Variants in LEKR1 observed in about 807,000 individuals in gnomAD.
The protein encoded by LEKR1 is leucine, glutamate and lysine rich 1.
Under a neutral mutation model 72.4 loss-of-function variants are expected in LEKR1, and 59 were observed. The ratio of observed to expected loss-of-function variants is 0.82; its 90% CI spans 0.66 to 1.01. The LOEUF is 1.01. Among genes scored for constraint, LEKR1 ranks in the 50% least tolerant of loss-of-function variants. The probability of loss-of-function intolerance (pLI) is 0.00; values close to 1 mark genes in which losing one functional copy is unlikely to be tolerated. For synonymous variants in LEKR1, 257 were observed against 263.2 expected (o/e 0.98, Z 0.23); for missense variants, 728 against 759.2 (o/e 0.96, Z 0.48).
intron 6 of LEKR1, among the ~76,000 whole-genome samples, chr3:156,950,798 A>T (rs1166007607): frequency 6.6e-6 from 1 of 151,658 alleles, no homozygotes; most frequent in East Asian, 1.9e-4. Flanking sequence ...ATATAGAAAC[A>T]TGTCATCTGC....
At chr3:156,860,620 T>C (rs1384668593) in intron 3 of LEKR1, among the ~76,000 whole-genome samples, 1 of 152,178 alleles carries the variant, frequency 6.6e-6, no homozygotes, top group Non-Finnish European at 1.5e-5. Flanking sequence ...TAAGTGTACC[T>C]GGCTGGAGTA....
intron 2 of LEKR1, among the ~76,000 whole-genome samples, chr3:156,839,926 G>T (rs571824175): frequency 2.6e-5 from 4 of 152,104 alleles, no homozygotes; most frequent in Admixed American, 2.6e-4. Flanking sequence ...TACTCCAAGC[G>T]TGCCTGTCTT....
intron 3 of LEKR1, among the ~76,000 whole-genome samples, chr3:156,873,074 C>G (rs1042154526): frequency 2.0e-5 from 3 of 151,962 alleles, no homozygotes; most frequent in Non-Finnish European, 2.9e-5. Context: ...CTCACCTTTT[C>G]AATCTAAAAT....
intron 3 of LEKR1, among the ~76,000 whole-genome samples, chr3:156,861,631 C>T (rs1410377566): frequency 1.3e-5 from 2 of 151,962 alleles, no homozygotes; most frequent in African/African-American, 4.8e-5. Flanking sequence ...ACGTTGAGTA[C>T]CATTGTGGAA....
intron 3 of LEKR1, among the ~76,000 whole-genome samples, chr3:156,912,859 G>T (rs954578199): frequency 6.6e-6 from 1 of 152,142 alleles, no homozygotes; most frequent in African/African-American, 2.4e-5. Context: ...TGCTGTGTAG[G>T]GTTAAGGCTA....
At chr3:157,026,896 A>G (rs990542531) in intron 11 of LEKR1, among the ~76,000 whole-genome samples, 8 of 152,228 alleles carry the variant, frequency 5.3e-5, no homozygotes, top group Non-Finnish European at 1.0e-4. Flanking sequence ...CTTTCATGCC[A>G]TCAGGAAAAG....
At chr3:157,029,281 C>T (rs1477692366) in intron 12 of LEKR1, among the ~76,000 whole-genome samples, 1 of 151,696 alleles carries the variant, frequency 6.6e-6, no homozygotes, top group Non-Finnish European at 1.5e-5. Flanking sequence ...TGAAGTGAAC[C>T]TATTACAAAG....
At chr3:156,878,851 C>G (rs1289160587) in intron 3 of LEKR1, among the ~76,000 whole-genome samples, 1 of 152,160 alleles carries the variant, frequency 6.6e-6, no homozygotes, top group Non-Finnish European at 1.5e-5. Context: ...GTGAATAAGT[C>G]TCACGAGATC....
intron 12 of LEKR1, among the ~76,000 whole-genome samples, chr3:157,032,640 A>G (rs1255414833): frequency 1.3e-5 from 2 of 152,246 alleles, no homozygotes; most frequent in African/African-American, 4.8e-5. Flanking sequence ...ATAACTTATC[A>G]TATAGAATAC....
intron 5 of LEKR1, among the ~76,000 whole-genome samples, chr3:156,933,056 A>ACAAC (rs1201012623): frequency 3.3e-5 from 5 of 151,946 alleles, no homozygotes; most frequent in Non-Finnish European, 7.4e-5. Context: ...AAACAAACAA[A>ACAAC]AATGGAGCAG....
intron 2 of LEKR1, among the ~76,000 whole-genome samples, chr3:156,847,319 C>G (rs1232754199): frequency 1.3e-5 from 2 of 152,130 alleles, no homozygotes; most frequent in Non-Finnish European, 2.9e-5. Context: ...AGTTTATTTT[C>G]AAATGGTTCT....
At chr3:156,835,778 T>C (rs1713034280) in intron 2 of LEKR1, among the ~76,000 whole-genome samples, 1 of 149,850 alleles carries the variant, frequency 6.7e-6, no homozygotes, top group Non-Finnish European at 1.5e-5. Context: ...GCCTCTCTCA[T>C]AAAGCGATTC....
chr3:156,920,464 G>T, intron 3 of LEKR1, 111 bp from the exon 4 acceptor site: 2 of 671,084 alleles, frequency 3.0e-6, no homozygotes, highest in Non-Finnish European at 4.8e-6. Context: ...ATATATAAGA[G>T]ACATAGTTTC....
chr3:157,006,308 A>G (rs1179656450), intron 9 of LEKR1, among the ~76,000 whole-genome samples: 3 of 152,158 alleles, frequency 2.0e-5, no homozygotes. Flanking sequence ...CCCGGCCACT[A>G]CTATACATTT....
At chr3:156,926,382 A>G (rs1018894087) in intron 4 of LEKR1, among the ~76,000 whole-genome samples, 11 of 152,032 alleles carry the variant, frequency 7.2e-5, no homozygotes, top group African/African-American at 2.4e-4. Context: ...CTGATTACCA[A>G]ATTACTAATT....
At chr3:156,891,581 T>G (rs1251490794) in intron 3 of LEKR1, among the ~76,000 whole-genome samples, 2 of 152,176 alleles carry the variant, frequency 1.3e-5, no homozygotes, top group African/African-American at 4.8e-5. Context: ...AAATTAATTA[T>G]AGTTGTCACT....
chr3:156,976,874 A>G (rs1441168296), intron 6 of LEKR1, among the ~76,000 whole-genome samples: 1 of 152,218 alleles, frequency 6.6e-6, no homozygotes, highest in Non-Finnish European at 1.5e-5. Flanking sequence ...GTGACTATAC[A>G]TGAAATTATA....
At chr3:156,969,834 G>T (rs1304261020) in intron 6 of LEKR1, among the ~76,000 whole-genome samples, 1 of 152,054 alleles carries the variant, frequency 6.6e-6, no homozygotes, top group African/African-American at 2.4e-5. Context: ...GAGAATTTTC[G>T]ACCAATATCC....
intron 3 of LEKR1, among the ~76,000 whole-genome samples, chr3:156,908,938 A>G (rs1375402368): frequency 6.6e-6 from 1 of 152,176 alleles, no homozygotes; most frequent in African/African-American, 2.4e-5. Context: ...TGTAGCTCCC[A>G]TAATTCCCAC....
Sources: allele counts gnomAD v4.1 joint callset (sites outside exome capture counted in the v4.1 genomes callset), GRCh38; gene constraint gnomAD v4.1.1; transcripts MANE v1.5; gene names NCBI Gene and HGNC (gene_info 2026-07-23, HGNC 2026-07-21).